Variants in EPN3 observed in about 807,000 individuals in gnomAD.
EPN3 encodes the protein epsin-3.
In EPN3, 56 loss-of-function variants were observed where a neutral mutation model predicts 55.5. The ratio of observed to expected loss-of-function variants is 1.01; its 90% CI spans 0.81 to 1.26. EPN3 has a LOEUF of 1.26. EPN3 is among the 50% of genes most tolerant of loss of function. The pLI is 0.00. For synonymous variants in EPN3, 449 were observed against 375.2 expected (o/e 1.20, Z -2.27); for missense variants, 927 against 853.4 (o/e 1.09, Z -1.07).
In EPN3 at chr17:50,542,883, A is replaced by G. The variant is rs2034868050; in HGVS notation, c.*726A>G. ...CCCACTGCAGTGCGATTGCACAGGT[A>G]TCTCACCTTGCAGCCGGCACTACTC... is the stretch of plus-strand genomic sequence containing the variant. On this transcript the variant is annotated 3_prime_UTR_variant, in exon 10 of 10. Transcript: ENST00000268933. The G allele has an allele frequency of 6.6e-6, 1 of 152,242 alleles. No homozygotes were observed. The highest frequency in any genetic ancestry group is 6.5e-5 in the Admixed American group (1 of 15,292). 9.4% of individuals were successfully genotyped at this position (152,242 alleles called of 1,614,324 possible).
chr17:50,538,867 C>T lies in EPN3; in HGVS notation c.682-17C>T. 1 of 1,568,986 alleles carries T rather than the reference C, an allele frequency of 6.4e-7. No homozygotes were observed. Among genetic ancestry groups the T allele is most frequent in the Non-Finnish European group, 8.7e-7 (1 of 1,154,592 alleles). On this transcript the variant is annotated splice_polypyrimidine_tract_variant and intron_variant, in intron 3 of 9. Coordinates refer to ENST00000268933, the MANE Select transcript of EPN3 (RefSeq NM_017957.3). ...GTGGGGGTACAGGGCCAAGTTTACC[C>T]CTCTCTTCCTCCGCAGCCTGTCCCC...
chr17:50,541,099 G>T, intron 7 of EPN3, 37 bp downstream of exon 7: 1 of 1,570,136 alleles, frequency 6.4e-7, no homozygotes, highest in Non-Finnish European at 8.6e-7. Context: ...TGAGGAGCTG[G>T]GGGACTTCCA....
intron 1 of EPN3, among the ~76,000 whole-genome samples, chr17:50,533,226 C>G (rs1385448173): frequency 6.6e-6 from 1 of 152,120 alleles, no homozygotes; most frequent in African/African-American, 2.4e-5. Context: ...ATCTTAGCAT[C>G]TTTGGTGGCA....
intron 1 of EPN3, among the ~76,000 whole-genome samples, chr17:50,533,410 A>G (rs1168562780): frequency 1.3e-5 from 2 of 152,104 alleles, no homozygotes; most frequent in Non-Finnish European, 2.9e-5. Context: ...TTACAGCATC[A>G]AGAAGGGCAC....
At chr17:50,537,182 A>G in intron 2 of EPN3, 64 bp downstream of exon 2, 1 of 1,445,656 alleles carries the variant, frequency 6.9e-7, no homozygotes, top group Non-Finnish European at 9.2e-7. Flanking sequence ...CTGGCTCTGC[A>G]ATCCAAGCCA....
chr17:50,539,115 C>A, intron 4 of EPN3, 72 bp from the exon 5 acceptor site: 1 of 1,595,808 alleles, frequency 6.3e-7, no homozygotes, highest in Non-Finnish European at 8.5e-7. Flanking sequence ...TCGACTCCAG[C>A]CTCTGGTGCA....
At chr17:50,538,844 G>T (rs1409898702) in intron 3 of EPN3, 40 bp from the exon 4 acceptor site, 6 of 1,482,844 alleles carry the variant, frequency 4.0e-6, no homozygotes, top group South Asian at 2.6e-5. Flanking sequence ...GTCCCAAGGT[G>T]GGGGTACAGG....
intron 6 of EPN3, 148 bp from the exon 7 acceptor site, chr17:50,540,645 G>C (rs2034835029): frequency 9.1e-7 from 1 of 1,098,254 alleles, no homozygotes; most frequent in Admixed American, 2.7e-5. Context: ...TGTCAAATAG[G>C]GGCTCCAGCC....
chr17:50,533,997 A>G (rs574806111), intron 1 of EPN3, among the ~76,000 whole-genome samples: 6 of 152,140 alleles, frequency 3.9e-5, no homozygotes, highest in Non-Finnish European at 7.3e-5. Context: ...ATCGTGTTCG[A>G]TAAAACCCTT....
At chr17:50,540,209 G>A (rs760596659) in intron 5 of EPN3, 38 bp from the exon 6 acceptor site, 36 of 1,576,812 alleles carry the variant, frequency 2.3e-5, no homozygotes, top group South Asian at 5.6e-5. Flanking sequence ...TCCAGGCCCC[G>A]CCCACTTCTG....
rs2034860031 is a variant in EPN3 at position 50,542,177 on chromosome 17, C to T, written c.*20C>T. 2.7e-6 allele frequency: 4 copies of T among 1,461,484 alleles called. No individual in the cohort carries two copies. Among genetic ancestry groups the T allele is most frequent in the Non-Finnish European group, 3.6e-6 (4 of 1,116,706 alleles). 90.5% of individuals were successfully genotyped at this position (1,461,484 alleles called of 1,614,324 possible). A position where few individuals can be genotyped will look rare whatever the true frequency, so the allele number is the denominator to read the frequency against. On this transcript the variant is annotated 3_prime_UTR_variant, in exon 10 of 10. Coordinates refer to ENST00000268933, the MANE Select transcript of EPN3 (RefSeq NM_017957.3). ...CTCTGAGCCCCGCCCCGTCCCATAC[C>T]GGCCTGCGCCTGCGCCGGACGCTCC...
chr17:50,538,236 G>C, intron 3 of EPN3, 39 bp downstream of exon 3: 1 of 1,542,442 alleles, frequency 6.5e-7, no homozygotes, highest in South Asian at 1.1e-5. Flanking sequence ...GGAGGGGATG[G>C]GCTAGGGGGA....
intron 1 of EPN3, 91 bp from the exon 2 acceptor site, chr17:50,536,330 C>A: frequency 1.8e-6 from 2 of 1,089,950 alleles, no homozygotes; most frequent in Non-Finnish European, 2.5e-6. Context: ...GAGGCAGGGA[C>A]ACTCTGGCCA....
chr17:50,539,289 G>T lies in EPN3; in HGVS notation c.865G>T (p.Glu289Ter). 1 of 1,614,026 alleles carries T rather than the reference G, an allele frequency of 6.2e-7. No homozygotes were observed. Among genetic ancestry groups the T allele is most frequent in the Non-Finnish European group, 8.5e-7 (1 of 1,179,856 alleles). The change falls in exon 5 of 10, where the codon GAG becomes TAG. Residue 289 changes from glutamate to a stop codon, truncating the protein, a stop_gained. Coordinates refer to ENST00000268933, the MANE Select transcript of EPN3 (RefSeq NM_017957.3). LOFTEE classifies it high-confidence loss of function. ...DREPEREERK[E>*]EEKLKTSQSS... The stretch of plus-strand genomic sequence containing the variant: ...AGAGCCTGAGAGAGAAGAGAGAAAG[G>T]AGGAGGAGAAGCTAAAAACCAGCCA...
Position 50,541,597 on chromosome 17 carries a change from C to T in EPN3, c.1488C>T (p.Pro496=), listed in dbSNP as rs376650239. Residue 496 remains proline, a synonymous_variant, in exon 9 of 10, where the codon CCC becomes CCT. Transcript: ENST00000268933. ...AAGAGGCCCGAGCTTGCCGGACTCC[C>T]GAGTCCTTCCTGGGTCCCTCAGCTT... ...PSKEARACRT[P]ESFLGPSASS... is the part of the protein sequence containing the mutation. 1.9e-5 allele frequency: 31 copies of T among 1,614,182 alleles called. No homozygotes were observed. In the African/African-American group the frequency reaches 2.4e-4, roughly 12 times the overall value.
At position 50,541,919 on chromosome 17, in the gene EPN3, C is replaced by T. The variant is rs2034855174; in HGVS notation, c.1661C>T (p.Thr554Ile). 6 of 1,600,892 alleles carry T rather than the reference C, an allele frequency of 3.7e-6. No individual in the cohort carries two copies. Among genetic ancestry groups the T allele is most frequent in the East Asian group, 2.2e-5 (1 of 44,802 alleles). Residue 554 changes from threonine (T) to isoleucine (I), a missense_variant, in exon 10 of 10, where the codon ACC becomes ATC. Physicochemically the swap from Thr to Ile is moderately conservative, Grantham distance 89. Transcript: ENST00000268933. Reference protein sequence around the residue: ...PGRPTLNQMRTGSPALGLAGG... With the variant: ...PGRPTLNQMRIGSPALGLAGG... Reference sequence around the variant, plus strand: ...AGGCCGACGCTAAACCAGATGCGCACCGGCTCGCCGGCGCTGGGCCTGGCA... The same window carrying T: ...AGGCCGACGCTAAACCAGATGCGCATCGGCTCGCCGGCGCTGGGCCTGGCA...
At chr17:50,539,544 G>T (rs1274772270) in intron 5 of EPN3, among the ~76,000 whole-genome samples, 1 of 152,208 alleles carries the variant, frequency 6.6e-6, no homozygotes, top group Non-Finnish European at 1.5e-5. Flanking sequence ...CCGGATTCGG[G>T]TTCTGGATTT....
chr17:50,534,664 T>C (rs1046177874), intron 1 of EPN3: 7 of 985,156 alleles, frequency 7.1e-6, no homozygotes, highest in Non-Finnish European at 8.4e-6. Context: ...TAGGCTGCGC[T>C]GTGGGCCAGG....
rs1259281727 is a variant in EPN3 at position 50,536,589 on chromosome 17, G to C, written c.33G>C (p.Lys11Asn). ...CCTCCGCACTCCGGCGCCAGGTGAA[G>C]AACATCGTGCACAACTACTCCGAGG... MTTSALRRQV[K>N]NIVHNYSEAE... The change falls in exon 2 of 10, where the codon AAG becomes AAC. Residue 11 changes from lysine to asparagine, a missense_variant. Lys to Asn is a moderately conservative substitution (Grantham distance 94, BLOSUM62 0). Coordinates refer to ENST00000268933, the MANE Select transcript of EPN3 (RefSeq NM_017957.3). The C allele has an allele frequency of 1.9e-6, 3 of 1,614,030 alleles. No homozygotes were observed. Among genetic ancestry groups the C allele is most frequent in the Non-Finnish European group, 2.5e-6 (3 of 1,180,022 alleles).
Sources: gnomAD v4.1 joint callset for allele counts (sites outside exome capture counted in the v4.1 genomes callset) on GRCh38, gnomAD v4.1.1 for gene constraint, MANE v1.5 for transcripts, NCBI Gene and HGNC (gene_info 2026-07-23, HGNC 2026-07-21) for gene names.